Variants in NAV3 observed in about 807,000 individuals in gnomAD.
NAV3 encodes the protein pore membrane and/or filament interacting like protein 1.
NAV3 carries 87 observed loss-of-function variants against 244.7 expected under a neutral mutation model. The observed-to-expected ratio is 0.36, with a 90% CI of 0.30 to 0.42. The LOEUF (loss-of-function observed/expected upper bound fraction) is 0.42. Among genes scored for constraint, NAV3 ranks in the 20% least tolerant of loss-of-function variants. The pLI, the probability that NAV3 is intolerant of heterozygous loss-of-function variation, is 1.00. For missense variants in NAV3, 2,663 were observed against 2,893.3 expected (o/e 0.92, Z 1.83); for synonymous variants, 1,126 against 1,042.2 (o/e 1.08, Z -1.55).
chr12:78,109,825 T>G (rs1423599727), intron 12 of NAV3, among the ~76,000 whole-genome samples: 1 of 151,764 alleles, frequency 6.6e-6, no homozygotes, highest in African/African-American at 2.4e-5. Flanking sequence ...TGTGACAAAC[T>G]CAGAGCTAAT....
intron 12 of NAV3, among the ~76,000 whole-genome samples, chr12:78,085,464 A>G (rs890163014): frequency 1.4e-4 from 21 of 152,284 alleles, no homozygotes; most frequent in African/African-American, 4.8e-4. Context: ...TCAATGAGAT[A>G]GATAATGTAT....
chr12:77,833,171 CTTTTAATTATCTGGATAATTTA>C (rs1874010638), intron 1 of NAV3, among the ~76,000 whole-genome samples: 1 of 152,084 alleles, frequency 6.6e-6, no homozygotes, highest in African/African-American at 2.4e-5. Context: ...TGGATAATTT[CTTTTAATTATCTGGATAATTTA>C]TTTGTATCTC....
At chr12:77,900,861 C>T (rs74540330) in intron 1 of NAV3, among the ~76,000 whole-genome samples, 6,362 of 152,184 alleles carry the variant, frequency 0.042, 359 homozygotes, top group African/African-American at 0.13. Flanking sequence ...AATGTATAAG[C>T]ATTCCCTTTT....
intron 2 of NAV3, among the ~76,000 whole-genome samples, chr12:77,581,209 C>T (rs1869348905): frequency 6.6e-6 from 1 of 152,160 alleles, no homozygotes; most frequent in African/African-American, 2.4e-5. Context: ...TTTAGGACTC[C>T]ATCCCACATC....
intron 2 of NAV3, among the ~76,000 whole-genome samples, chr12:77,659,894 G>A (rs191775584): frequency 6.6e-6 from 1 of 150,592 alleles, no homozygotes; most frequent in East Asian, 2.0e-4. Flanking sequence ...TCACTCATAG[G>A]TGGGAATTGA....
chr12:77,601,573 G>A (rs1229016552), intron 2 of NAV3, among the ~76,000 whole-genome samples: 1 of 151,974 alleles, frequency 6.6e-6, no homozygotes, highest in Non-Finnish European at 1.5e-5. Context: ...GTAGGAGCAT[G>A]TGGTGCATAG....
intron 1 of NAV3, among the ~76,000 whole-genome samples, chr12:77,843,423 G>T (rs560891533): frequency 1.3e-5 from 2 of 151,456 alleles, no homozygotes; most frequent in South Asian, 4.2e-4. Flanking sequence ...GTGTGTGTTT[G>T]TGTGTGTATC....
chr12:77,697,846 T>G (rs1387845803), intron 2 of NAV3, among the ~76,000 whole-genome samples: 1 of 152,120 alleles, frequency 6.6e-6, no homozygotes, highest in Non-Finnish European at 1.5e-5. Context: ...TAGCTTGGAA[T>G]CCAGGGATTC....
intron 2 of NAV3, among the ~76,000 whole-genome samples, chr12:77,640,271 A>T (rs1405911252): frequency 1.3e-5 from 2 of 152,118 alleles, no homozygotes; most frequent in African/African-American, 2.4e-5. Context: ...GAGTGTGTGT[A>T]AGTTGTGGTG....
intron 30 of NAV3, among the ~76,000 whole-genome samples, 156 bp downstream of exon 30, chr12:78,181,201 TTA>T (rs1221695245): frequency 5.3e-5 from 8 of 152,192 alleles, no homozygotes; most frequent in African/African-American, 1.9e-4. Context: ...GTCTACTTAG[TTA>T]TAATTTTAAA....
intron 5 of NAV3, among the ~76,000 whole-genome samples, chr12:77,969,928 A>G (rs552559153): frequency 6.6e-6 from 1 of 152,238 alleles, no homozygotes; most frequent in African/African-American, 2.4e-5. Flanking sequence ...TCAATTGATT[A>G]TAGACTTTTA....
chr12:77,768,057 A>G (rs1869870524), intron 2 of NAV3, among the ~76,000 whole-genome samples: 1 of 152,212 alleles, frequency 6.6e-6, no homozygotes, highest in Non-Finnish European at 1.5e-5. Flanking sequence ...TGTTCCAACA[A>G]GTGTGCAGCC....
At chr12:77,593,631 CT>C (rs566083715) in intron 2 of NAV3, among the ~76,000 whole-genome samples, 37,947 of 118,326 alleles carry the variant, frequency 0.32, 5,614 homozygotes, top group Middle Eastern at 0.45. Context: ...ATCCCAGCTA[CT>C]TTTTTTTTTT....
chr12:78,146,751 T>C (rs1301610134), intron 21 of NAV3, among the ~76,000 whole-genome samples: 1 of 152,062 alleles, frequency 6.6e-6, no homozygotes, highest in Non-Finnish European at 1.5e-5. Context: ...AGGATAATGG[T>C]TGAAACTTGG....
intron 12 of NAV3, among the ~76,000 whole-genome samples, chr12:78,109,753 C>T (rs576012805): frequency 6.6e-6 from 1 of 151,904 alleles, no homozygotes; most frequent in East Asian, 1.9e-4. Flanking sequence ...AACATCTCTT[C>T]ATGAAAAAAA....
At chr12:77,756,995 C>A (rs1447314569) in intron 2 of NAV3, among the ~76,000 whole-genome samples, 2 of 152,096 alleles carry the variant, frequency 1.3e-5, no homozygotes, top group Non-Finnish European at 2.9e-5. Context: ...CAGTTTTCAC[C>A]TTTTACCTCT....
intron 1 of NAV3, among the ~76,000 whole-genome samples, chr12:77,916,767 C>G (rs1035436408): frequency 4.0e-5 from 6 of 151,874 alleles, no homozygotes; most frequent in African/African-American, 1.5e-4. Flanking sequence ...TACTGAAAAT[C>G]AAAATACAAT....
chr12:77,692,081 T>C (rs991928833), intron 2 of NAV3, among the ~76,000 whole-genome samples: 2 of 152,020 alleles, frequency 1.3e-5, no homozygotes, highest in African/African-American at 4.8e-5. Context: ...GTGATTCTAG[T>C]GTACAACCAA....
At chr12:77,718,727 G>A (rs758604183) in intron 2 of NAV3, among the ~76,000 whole-genome samples, 1 of 151,830 alleles carries the variant, frequency 6.6e-6, no homozygotes, top group African/African-American at 2.4e-5. Flanking sequence ...GCATGATCTC[G>A]GCTCACTGCA....
Sources: allele counts gnomAD v4.1 joint callset (sites outside exome capture counted in the v4.1 genomes callset), GRCh38; gene constraint gnomAD v4.1.1; transcripts MANE v1.5; gene names NCBI Gene and HGNC (gene_info 2026-07-23, HGNC 2026-07-21).